RPAP1: variants seen among roughly 807,000 people sequenced by gnomAD.
RPAP1 encodes RNA polymerase II associated protein 1.
Under a neutral mutation model 142.4 loss-of-function variants are expected in RPAP1, and 109 were observed. That is an observed-to-expected ratio of 0.77 (90% CI 0.66 to 0.90). The LOEUF (loss-of-function observed/expected upper bound fraction) is 0.90. RPAP1 is among the 40% of genes least tolerant of loss of function. The pLI, the probability that RPAP1 is intolerant of heterozygous loss-of-function variation, is 0.00. For synonymous variants in RPAP1, 704 were observed against 738.9 expected (o/e 0.95, Z 0.77); for missense variants, 1,546 against 1,751.7 (o/e 0.88, Z 2.10).
chr15:41,522,405 T>C (rs971702066), intron 19 of RPAP1, 155 bp from the exon 20 acceptor site: 7 of 730,090 alleles, frequency 9.6e-6, no homozygotes, highest in Admixed American at 8.6e-5. Context: ...TTTGGTTTTT[T>C]TTGAGATGGA....
intron 16 of RPAP1, 29 bp downstream of exon 16, chr15:41,524,067 C>T (rs759132744): frequency 1.3e-6 from 2 of 1,594,904 alleles, no homozygotes; most frequent in Non-Finnish European, 1.7e-6. Flanking sequence ...AGCCCTCCAC[C>T]TGTCCTGTGG....
chr15:41,531,099 G>A lies in RPAP1; in HGVS notation c.867C>T (p.Val289=). 6.2e-7 allele frequency: 1 copy of A among 1,614,050 alleles called. No homozygotes were observed. The highest frequency in any genetic ancestry group is 8.5e-7 in the Non-Finnish European group (1 of 1,179,996). The part of the protein sequence containing the change: ...EQRPGGPSAN[V]TKEEPLMSAF... Reference sequence around the variant, plus strand: ...CTGACATGAGGGGTTCCTCCTTGGTGACATTAGCAGAGGGTCCTCCTGGCC... The same window carrying A: ...CTGACATGAGGGGTTCCTCCTTGGTAACATTAGCAGAGGGTCCTCCTGGCC... Residue 289 remains valine (V), a synonymous_variant, in exon 7 of 25, where the codon GTC becomes GTT. Transcript: ENST00000304330.
intron 17 of RPAP1, 59 bp downstream of exon 17, chr15:41,523,712 G>C: frequency 7.1e-7 from 1 of 1,414,948 alleles, no homozygotes; most frequent in South Asian, 1.2e-5. Context: ...AGCAACGGGT[G>C]GAATGTAGCT....
rs776138350 is a variant in RPAP1 at position 41,520,832 on chromosome 15, C to T, written c.3354G>A (p.Ser1118=). Residue 1118 remains serine (S), a synonymous_variant, in exon 22 of 25, where the codon TCG becomes TCA. Transcript: ENST00000304330. ...RLYHRASDTP[S]GLSPTDTMGT... ...CCATGGTGTCTGTGGGAGAGAGTCC[C>T]GAGGGGGTGTCTGAAGCCCGGTGGT... 6 of 1,613,808 alleles carry T rather than the reference C, an allele frequency of 3.7e-6. No individual in the cohort carries two copies. The South Asian group carries it at 4.4e-5, about 12-fold the overall frequency.
chr15:41,531,084 G>A lies in RPAP1; in HGVS notation c.882C>T (p.Pro294=). ...GPSANVTKEE[P]LMSAFASEPR... ...GCTCACTGGCAAAAGCTGACATGAG[G>A]GGTTCCTCCTTGGTGACATTAGCAG... The change falls in exon 7 of 25, where the codon CCC becomes CCT. Residue 294 remains proline (P), a synonymous_variant. Coordinates refer to ENST00000304330, the MANE Select transcript of RPAP1 (RefSeq NM_015540.4). 6.2e-7 allele frequency: 1 copy of A among 1,613,926 alleles called. No individual in the cohort carries two copies. Among genetic ancestry groups the A allele is most frequent in the Non-Finnish European group, 8.5e-7 (1 of 1,179,912 alleles).
intron 14 of RPAP1, among the ~76,000 whole-genome samples, chr15:41,525,650 T>A (rs1308994680): frequency 6.6e-6 from 1 of 150,910 alleles, no homozygotes; most frequent in Non-Finnish European, 1.5e-5. Context: ...ATTATTTTTT[T>A]ATTTTTATTA....
rs1259923165 is a variant in RPAP1, at chr15:41,518,219, A to G, written c.3796-37T>C. ...GAAATGACGTGCTGAGGGGGAGGGT[A>G]GGAATGTATATACATACATAAGGTG... On this transcript the variant is annotated intron_variant, in intron 22 of 24. Coordinates refer to ENST00000304330, the MANE Select transcript of RPAP1 (RefSeq NM_015540.4). The G allele has an allele frequency of 2.6e-6, 4 of 1,523,736 alleles. No homozygotes were observed. In the South Asian group the frequency reaches 3.9e-5, roughly 15 times the overall value. 94.4% of individuals were successfully genotyped at this position (1,523,736 alleles called of 1,614,324 possible).
At chr15:41,518,956 C>T (rs1595479226) in intron 22 of RPAP1, among the ~76,000 whole-genome samples, 1 of 152,312 alleles carries the variant, frequency 6.6e-6, no homozygotes, top group African/African-American at 2.4e-5. Flanking sequence ...GTGGTGTGAT[C>T]ATAGCTCACT....
At position 41,523,881 on chromosome 15, in the gene RPAP1, T is replaced by G; in HGVS notation, c.2326A>C (p.Arg776=). 1 of 1,607,988 alleles carries G rather than the reference T, an allele frequency of 6.2e-7. No individual in the cohort carries two copies. The highest frequency in any genetic ancestry group is 8.5e-7 in the Non-Finnish European group (1 of 1,176,994). The part of the protein sequence containing the change: ...GLQPLVEPCL[R]QTLKLLSRPE... Reference sequence around the variant, plus strand: ...CTGGACAGCAACTTCAAGGTCTGCCTTAGACACGGCTCAACAAGAGGCTGG... The same window carrying G: ...CTGGACAGCAACTTCAAGGTCTGCCGTAGACACGGCTCAACAAGAGGCTGG... The change falls in exon 17 of 25, where the codon AGG becomes CGG. Residue 776 remains arginine, a synonymous_variant. Coordinates refer to ENST00000304330, the MANE Select transcript of RPAP1 (RefSeq NM_015540.4).
chr15:41,541,821 T>C (rs1172212040), intron 1 of RPAP1, among the ~76,000 whole-genome samples: 1 of 152,154 alleles, frequency 6.6e-6, no homozygotes, highest in East Asian at 1.9e-4. Flanking sequence ...CACTCCAGCC[T>C]GGGGGACAGA....
chr15:41,523,570 C>T (rs1312159916), intron 17 of RPAP1, among the ~76,000 whole-genome samples: 3 of 152,190 alleles, frequency 2.0e-5, no homozygotes, highest in African/African-American at 7.2e-5. Context: ...TGCGTGGGCT[C>T]TCTGGTCCCC....
At chr15:41,521,636 A>G in intron 21 of RPAP1, 102 bp downstream of exon 21, 1 of 1,348,518 alleles carries the variant, frequency 7.4e-7, no homozygotes, top group Non-Finnish European at 1.0e-6. Flanking sequence ...TCGGTGGAAG[A>G]AAGAGAATTT....
Position 41,523,919 on chromosome 15 carries a change from T to C in RPAP1, c.2288A>G (p.Gln763Arg), listed in dbSNP as rs781559954. Residue 763 changes from glutamine to arginine, a missense_variant, in exon 17 of 25, where the codon CAG becomes CGG. By Grantham distance (43) the Gln-to-Arg change is conservative. Coordinates refer to ENST00000304330, the MANE Select transcript of RPAP1 (RefSeq NM_015540.4). ...AACAAGAGGCTGGAGCCCAGACACCTGTGTCCAAGTGACTAAGGAAGGGGT... is the reference window on the plus strand; with the variant it reads ...AACAAGAGGCTGGAGCCCAGACACCCGTGTCCAAGTGACTAAGGAAGGGGT... Reference protein sequence around the residue: ...SATPSLVTWTQVSGLQPLVEP... With the variant: ...SATPSLVTWTRVSGLQPLVEP... The C allele has an allele frequency of 6.2e-7, 1 of 1,609,200 alleles. No individual in the cohort carries two copies. The highest frequency in any genetic ancestry group is 8.5e-7 in the Non-Finnish European group (1 of 1,177,614).
In RPAP1 at chr15:41,522,907, G is replaced by A. The variant is rs911358523; in HGVS notation, c.2600C>T (p.Pro867Leu). Residue 867 changes from proline to leucine, a missense_variant, in exon 19 of 25, where the codon CCC (proline) becomes CTC (leucine). Transcript: ENST00000304330. ...PLSCVPALEAPPSLVSLGCSG... is the reference protein window; with the variant it reads ...PLSCVPALEALPSLVSLGCSG... ...GCAGCCCAGTGACACGAGGCTGGGGGGAGCTTCAAGGGCTGGCACACAGGA... is the reference window on the plus strand; with the variant it reads ...GCAGCCCAGTGACACGAGGCTGGGGAGAGCTTCAAGGGCTGGCACACAGGA... The A allele has an allele frequency of 1.3e-6, 2 of 1,567,664 alleles. No individual in the cohort carries two copies. Among genetic ancestry groups the A allele is most frequent in the South Asian group, 1.2e-5 (1 of 83,248 alleles).
intron 15 of RPAP1, 41 bp downstream of exon 15, chr15:41,524,950 T>A: frequency 1.2e-6 from 2 of 1,603,392 alleles, no homozygotes; most frequent in Non-Finnish European, 1.7e-6. Flanking sequence ...AGAGCAGAAC[T>A]GAAGGTGTCT....
At position 41,535,629 on chromosome 15, in the gene RPAP1, T is replaced by A; in HGVS notation, c.424A>T (p.Lys142Ter). 1 of 1,611,116 alleles carries A rather than the reference T, an allele frequency of 6.2e-7. No individual in the cohort carries two copies. Among genetic ancestry groups the A allele is most frequent in the South Asian group, 1.1e-5 (1 of 90,396 alleles). ...CTTCTCTTACCAGATGTTGCTGATT[T>A]CCCCTGTGGGGCAAAAAGAAAACCC... ...VFLRSRDTQG[K>*]SATSGKRSIF... The change falls in exon 5 of 25, where the codon AAA (lysine) becomes TAA (stop). Residue 142 changes from lysine (K) to a stop codon, truncating the protein, a stop_gained. Coordinates refer to ENST00000304330, the MANE Select transcript of RPAP1 (RefSeq NM_015540.4). LOFTEE classifies it high-confidence loss of function.
At chr15:41,530,034 G>T in intron 7 of RPAP1, 55 bp from the exon 8 acceptor site, 1 of 1,419,718 alleles carries the variant, frequency 7.0e-7, no homozygotes, top group South Asian at 1.2e-5. Context: ...ACTATCCACA[G>T]GGGTCCCCAC....
rs2051909776 is a variant in RPAP1 at position 41,536,521 on chromosome 15, C to A, written c.310G>T (p.Ala104Ser). 6.2e-7 allele frequency: 1 copy of A among 1,614,044 alleles called. No individual in the cohort carries two copies. The highest frequency in any genetic ancestry group is 8.5e-7 in the Non-Finnish European group (1 of 1,180,042). ...RLRRHDQHIT[A>S]VLTKIIERDT... is the part of the protein sequence containing the mutation. ...CGCACAATAATCTTAGTCAAGACAG[C>A]AGTGATGTGCTGATCATGCCTCCTC... The change falls in exon 3 of 25, where the codon GCT becomes TCT. Residue 104 changes from alanine (A) to serine (S), a missense_variant. Transcript: ENST00000304330.
At chr15:41,538,529 CAA>C (rs1491134550) in intron 1 of RPAP1, among the ~76,000 whole-genome samples, 83 of 152,270 alleles carry the variant, frequency 5.5e-4, no homozygotes, top group Admixed American at 3.0e-3. Context: ...AAAGAAAAAA[CAA>C]AAAAAATCAA....
Sources: gnomAD v4.1 joint callset for allele counts (sites outside exome capture counted in the v4.1 genomes callset) on GRCh38, gnomAD v4.1.1 for gene constraint, MANE v1.5 for transcripts, NCBI Gene and HGNC (gene_info 2026-07-23, HGNC 2026-07-21) for gene names.